The following ZRANB3 variants were observed in gnomAD, a reference collection of about 807,000 sequenced individuals.
The protein encoded by ZRANB3 is DNA annealing helicase and endonuclease ZRANB3.
Under a neutral mutation model 133.8 loss-of-function variants are expected in ZRANB3, and 125 were observed. That is an observed-to-expected ratio of 0.93 (90% confidence interval 0.81 to 1.08). The LOEUF (loss-of-function observed/expected upper bound fraction) is 1.08. ZRANB3 is among the 50% of genes least tolerant of loss of function. The probability of loss-of-function intolerance (pLI) is 0.00; values close to 1 mark genes in which losing one functional copy is unlikely to be tolerated. For missense variants in ZRANB3, 1,229 were observed against 1,275.5 expected (o/e 0.96, Z 0.56); for synonymous variants, 387 against 432.7 (o/e 0.89, Z 1.31).
intron 12 of ZRANB3, among the ~76,000 whole-genome samples, chr2:135,263,054 TA>T (rs1680040754): frequency 1.3e-5 from 2 of 152,128 alleles, no homozygotes; most frequent in African/African-American, 4.8e-5. Flanking sequence ...ATAAAAGAAA[TA>T]AAAACATTTT....
At chr2:135,248,918 A>T (rs917729060) in intron 12 of ZRANB3, among the ~76,000 whole-genome samples, 1 of 152,110 alleles carries the variant, frequency 6.6e-6, no homozygotes, top group Admixed American at 6.6e-5. Flanking sequence ...CAACAACAAC[A>T]ACAAAAAAAA....
chr2:135,272,414 C>CT (rs112209442), intron 9 of ZRANB3, among the ~76,000 whole-genome samples: 1,321 of 107,738 alleles, frequency 0.012, 127 homozygotes, highest in African/African-American at 0.035. Flanking sequence ...GAAAATAGAG[C>CT]TTTTTTTTTT....
intron 2 of ZRANB3, among the ~76,000 whole-genome samples, chr2:135,402,262 T>C (rs896372063): frequency 6.6e-6 from 1 of 152,000 alleles, no homozygotes; most frequent in Non-Finnish European, 1.5e-5. Context: ...GTAAACTTTA[T>C]TGCATATACA....
intron 8 of ZRANB3, among the ~76,000 whole-genome samples, chr2:135,304,412 T>C (rs1409041706): frequency 6.6e-6 from 1 of 152,242 alleles, no homozygotes; most frequent in Non-Finnish European, 1.5e-5. Flanking sequence ...GTGTTAAACT[T>C]TGTATTGCTG....
intron 8 of ZRANB3, among the ~76,000 whole-genome samples, chr2:135,289,348 C>T (rs1003979746): frequency 6.6e-6 from 1 of 152,080 alleles, no homozygotes; most frequent in Non-Finnish European, 1.5e-5. Context: ...CTCTGCCGCC[C>T]AGGTTCAAGT....
In ZRANB3 at chr2:135,269,011, A is replaced by G. The variant is rs552765988; in HGVS notation, c.1337T>C (p.Ile446Thr). 14 of 1,610,708 alleles carry G rather than the reference A, an allele frequency of 8.7e-6. No homozygotes were observed. In the East Asian group the frequency reaches 2.9e-4, roughly 33 times the overall value. ...AAGGGTGTCTAGGGTTCCATTTGCA[A>G]TAAGGTAGTGAATATTCACAGAACT... is the stretch of plus-strand genomic sequence containing the variant. ...QCSSVNIHYL[I>T]ANGTLDTLMW... Residue 446 changes from isoleucine (I) to threonine (T), a missense_variant, in exon 11 of 21, where the codon ATT becomes ACT. Physicochemically the swap from Ile to Thr is moderately conservative, Grantham distance 89. Transcript: ENST00000264159.
chr2:135,422,499 G>T (rs1437693780), intron 2 of ZRANB3, among the ~76,000 whole-genome samples: 1 of 151,908 alleles, frequency 6.6e-6, no homozygotes, highest in East Asian at 1.9e-4. Context: ...CGGGGGGCAG[G>T]GGGGCGGCGG....
intron 6 of ZRANB3, among the ~76,000 whole-genome samples, chr2:135,321,748 G>A (rs1219507177): frequency 5.3e-5 from 8 of 151,780 alleles, no homozygotes. Context: ...CAAAGTGCTG[G>A]GATTACAGGT....
At chr2:135,455,736 C>T (rs552566229) in intron 2 of ZRANB3, among the ~76,000 whole-genome samples, 3 of 151,436 alleles carry the variant, frequency 2.0e-5, no homozygotes, top group Admixed American at 6.6e-5. Context: ...AGACTATAGG[C>T]GCCCACTACC....
chr2:135,488,836 T>C (rs1428007348), intron 2 of ZRANB3, among the ~76,000 whole-genome samples: 2 of 150,248 alleles, frequency 1.3e-5, no homozygotes, highest in Admixed American at 1.3e-4. Context: ...TAGCATACCA[T>C]ATTTGATTAT....
chr2:135,312,871 T>A (rs1971189), intron 8 of ZRANB3, among the ~76,000 whole-genome samples: 15,901 of 150,950 alleles, frequency 0.11, 1,092 homozygotes, highest in South Asian at 0.32. Context: ...TAAAAAAAAA[T>A]TTGCCAGGCA....
chr2:135,437,287 G>T (rs890385745), intron 2 of ZRANB3, among the ~76,000 whole-genome samples: 1 of 152,208 alleles, frequency 6.6e-6, no homozygotes, highest in Non-Finnish European at 1.5e-5. Context: ...ATAGCAATGA[G>T]AATGAAGTAT....
At chr2:135,408,769 G>C (rs887164478) in intron 2 of ZRANB3, among the ~76,000 whole-genome samples, 4 of 150,988 alleles carry the variant, frequency 2.6e-5, no homozygotes, top group Non-Finnish European at 5.9e-5. Flanking sequence ...GGTGGGAACT[G>C]AACAATGAGA....
rs75226836 is a variant in ZRANB3, at chr2:135,281,349, C to CT, written c.967-5595dup. Among the ~76,000 whole-genome samples the CT allele has an allele frequency of 6.5e-3, 957 of 147,394 alleles. 4 individuals carry two copies. The highest frequency in any genetic ancestry group is 9.8e-3 in the South Asian group (45 of 4,606). On this transcript the variant is annotated intron_variant, in intron 8 of 20. Coordinates refer to ENST00000264159, the MANE Select transcript of ZRANB3 (RefSeq NM_032143.4). ...CAGGTATCGCATGACCTTTTAAGCTCTTTTTTTTTTTAAAGCTCTTTTAAT... is the reference window on the plus strand; with the variant it reads ...CAGGTATCGCATGACCTTTTAAGCTCTTTTTTTTTTTTAAAGCTCTTTTAAT...
chr2:135,334,532 C>T (rs964066652), intron 6 of ZRANB3, among the ~76,000 whole-genome samples: 11 of 152,254 alleles, frequency 7.2e-5, no homozygotes, highest in Admixed American at 4.6e-4. Flanking sequence ...TGGGTGAGAA[C>T]ATTAAATGCA....
intron 2 of ZRANB3, among the ~76,000 whole-genome samples, chr2:135,409,108 A>G (rs576740208): frequency 6.6e-6 from 1 of 152,160 alleles, no homozygotes; most frequent in Non-Finnish European, 1.5e-5. Flanking sequence ...GGAAACTTAC[A>G]ATCATAGTGG....
intron 8 of ZRANB3, among the ~76,000 whole-genome samples, chr2:135,311,558 A>G (rs1467382645): frequency 6.6e-6 from 1 of 151,640 alleles, no homozygotes; most frequent in Non-Finnish European, 1.5e-5. Flanking sequence ...AATATTCCAA[A>G]TGTCCATTAA....
chr2:135,235,492 A>G (rs1471810965), intron 12 of ZRANB3, among the ~76,000 whole-genome samples: 2 of 152,178 alleles, frequency 1.3e-5, no homozygotes, highest in Non-Finnish European at 2.9e-5. Context: ...AAAAAAAGAG[A>G]ATTTTAGACC....
At chr2:135,515,246 G>C (rs920475369) in intron 1 of ZRANB3, among the ~76,000 whole-genome samples, 1 of 152,016 alleles carries the variant, frequency 6.6e-6, no homozygotes, top group African/African-American at 2.4e-5. Flanking sequence ...GTACAAATTC[G>C]GCCGTGAATC....
Sources: allele counts gnomAD v4.1 joint callset (sites outside exome capture counted in the v4.1 genomes callset), GRCh38; gene constraint gnomAD v4.1.1; transcripts MANE v1.5; gene names NCBI Gene and HGNC (gene_info 2026-07-23, HGNC 2026-07-21).